Variants in C8orf34 observed in about 807,000 individuals in gnomAD.
C8orf34 encodes chromosome 8 open reading frame 34.
A neutral mutation model predicts 68.3 loss-of-function variants in C8orf34; 65 were observed. The ratio of observed to expected loss-of-function variants is 0.95; its 90% CI spans 0.78 to 1.17. The LOEUF (loss-of-function observed/expected upper bound fraction) is 1.17, where lower values mean the gene tolerates loss of function less well. C8orf34 is among the 50% of genes most tolerant of loss of function. The pLI, the probability that C8orf34 is intolerant of heterozygous loss-of-function variation, is 0.00. For missense variants in C8orf34, 664 were observed against 655.4 expected, an observed-to-expected ratio of 1.01 and a Z score of -0.14; for synonymous variants, 244 against 241.2, an observed-to-expected ratio of 1.01 and a Z score of -0.11.
At chr8:68,578,522 A>C (rs1036739282) in intron 7 of C8orf34, among the ~76,000 whole-genome samples, 1 of 151,996 alleles carries the variant, frequency 6.6e-6, no homozygotes, top group Non-Finnish European at 1.5e-5. Flanking sequence ...TGGCCCATAG[A>C]GATGGGTTTC....
At chr8:68,563,447 T>A (rs1362657163) in intron 7 of C8orf34, among the ~76,000 whole-genome samples, 1 of 152,032 alleles carries the variant, frequency 6.6e-6, no homozygotes, top group Admixed American at 6.6e-5. Context: ...TAAGAAATGG[T>A]GAGTGGCCTT....
At chr8:68,744,142 T>A (rs1017508063) in intron 10 of C8orf34, among the ~76,000 whole-genome samples, 2 of 152,048 alleles carry the variant, frequency 1.3e-5, no homozygotes, top group Non-Finnish European at 2.9e-5. Context: ...CTCACACGGC[T>A]GGGTACTCCA....
At chr8:68,560,144 G>GTT (rs56070682) in intron 7 of C8orf34, among the ~76,000 whole-genome samples, 9 of 144,130 alleles carry the variant, frequency 6.2e-5, no homozygotes, top group African/African-American at 1.0e-4. Context: ...TGATTCTGGT[G>GTT]TTTTTTTTTT....
rs1053956609 is a variant in C8orf34 at position 68,627,046 on chromosome 8, A to G, written c.1106-13330A>G. Reference sequence around the variant, plus strand: ...AATTAAAATGATGAGCTTTTGCAAGATTTTGCAGTGTTTTTCATATTTGAA... The same window carrying G: ...AATTAAAATGATGAGCTTTTGCAAGGTTTTGCAGTGTTTTTCATATTTGAA... On this transcript the variant is annotated intron_variant, in intron 7 of 13. Transcript: ENST00000518698. 4.0e-5 allele frequency among the ~76,000 whole-genome samples: 6 copies of G among 151,540 alleles called. No individual in the cohort carries two copies. The East Asian group carries it at 1.2e-3, about 30-fold the overall frequency.
chr8:68,416,571 G>C (rs756195407), intron 1 of C8orf34, among the ~76,000 whole-genome samples: 1 of 150,708 alleles, frequency 6.6e-6, no homozygotes, highest in Non-Finnish European at 1.5e-5. Context: ...TCTCTCTTTT[G>C]CCCAGGCTGG....
intron 7 of C8orf34, chr8:68,625,378 G>C: frequency 4.3e-6 from 2 of 464,512 alleles, no homozygotes; most frequent in Non-Finnish European, 7.6e-6. Context: ...TGTATCTAAT[G>C]TGGGAAGTGA....
At chr8:68,390,096 C>T (rs1435414875) in intron 1 of C8orf34, among the ~76,000 whole-genome samples, 1 of 152,048 alleles carries the variant, frequency 6.6e-6, no homozygotes, top group African/African-American at 2.4e-5. Flanking sequence ...TTTTGCTTTT[C>T]CCCTCACTGT....
At chr8:68,534,892 G>A in intron 7 of C8orf34, 5 of 985,326 alleles carry the variant, frequency 5.1e-6, no homozygotes, top group Non-Finnish European at 6.0e-6. Context: ...CTAATGATGA[G>A]CAATTAATAA....
chr8:68,375,220 G>A (rs990937682), intron 1 of C8orf34, among the ~76,000 whole-genome samples: 5 of 152,084 alleles, frequency 3.3e-5, no homozygotes, highest in African/African-American at 7.2e-5. Context: ...GCTGTATTAT[G>A]TTCTAGCTCA....
At chr8:68,533,294 C>T (rs569587863) in intron 7 of C8orf34, 145 bp downstream of exon 7, 5 of 1,379,566 alleles carry the variant, frequency 3.6e-6, no homozygotes, top group South Asian at 1.8e-5. Flanking sequence ...ACATTAGACT[C>T]ACATAAAGTT....
At chr8:68,808,018 C>T (rs1258097518) in intron 12 of C8orf34, among the ~76,000 whole-genome samples, 1 of 151,982 alleles carries the variant, frequency 6.6e-6, no homozygotes, top group African/African-American at 2.4e-5. Context: ...TTTTACAACC[C>T]TTCTTTAGGG....
chr8:68,485,752 T>A (rs1032905187), intron 4 of C8orf34, among the ~76,000 whole-genome samples: 10 of 149,696 alleles, frequency 6.7e-5, no homozygotes, highest in African/African-American at 2.0e-4. Context: ...AATAAATAAA[T>A]AAAAATAAAT....
intron 10 of C8orf34, among the ~76,000 whole-genome samples, chr8:68,754,616 A>T (rs1822799945): frequency 6.6e-6 from 1 of 152,222 alleles, no homozygotes; most frequent in Non-Finnish European, 1.5e-5. Flanking sequence ...TTAACGTCTG[A>T]GCTAAATGAA....
intron 6 of C8orf34, chr8:68,525,373 G>C: frequency 3.3e-6 from 1 of 301,854 alleles, no homozygotes; most frequent in Non-Finnish European, 6.1e-6. Context: ...AAGAACAGAA[G>C]GCTTGAAATA....
At chr8:68,750,072 G>T (rs182365929) in intron 10 of C8orf34, among the ~76,000 whole-genome samples, 13 of 152,172 alleles carry the variant, frequency 8.5e-5, no homozygotes, top group African/African-American at 2.9e-4. Flanking sequence ...CAAAATTAAT[G>T]TTGTGAAACA....
intron 12 of C8orf34, among the ~76,000 whole-genome samples, chr8:68,798,564 G>A (rs2129529466): frequency 6.6e-6 from 1 of 152,086 alleles, no homozygotes; most frequent in African/African-American, 2.4e-5. Context: ...AAATATTTTA[G>A]GATTGATCTT....
chr8:68,643,208 C>G (rs1194936119), intron 8 of C8orf34, among the ~76,000 whole-genome samples: 1 of 152,194 alleles, frequency 6.6e-6, no homozygotes, highest in African/African-American at 2.4e-5. Flanking sequence ...TTTTGTCATA[C>G]GTTGATGTGA....
At chr8:68,676,516 A>G (rs1317055546) in intron 8 of C8orf34, among the ~76,000 whole-genome samples, 1 of 152,194 alleles carries the variant, frequency 6.6e-6, no homozygotes, top group Admixed American at 6.6e-5. Flanking sequence ...AATCTGCATT[A>G]TAAACCAAAT....
At chr8:68,524,800 T>G (rs1470472630) in intron 6 of C8orf34, among the ~76,000 whole-genome samples, 1 of 152,208 alleles carries the variant, frequency 6.6e-6, no homozygotes, top group Non-Finnish European at 1.5e-5. Context: ...TTAAGCCATT[T>G]TAATTAAACT....
Sources: allele counts gnomAD v4.1 joint callset (sites outside exome capture counted in the v4.1 genomes callset), GRCh38; gene constraint gnomAD v4.1.1; transcripts MANE v1.5; gene names NCBI Gene and HGNC (gene_info 2026-07-23, HGNC 2026-07-21).